The following CALD1 variants were observed in gnomAD, a reference collection of about 807,000 sequenced individuals.
CALD1 encodes the protein caldesmon.
A neutral mutation model predicts 99.9 loss-of-function variants in CALD1; 33 were observed. The ratio of observed to expected loss-of-function variants is 0.33; its 90% confidence interval spans 0.25 to 0.44. The LOEUF is 0.44. Ranked by LOEUF, CALD1 falls within the 20% of genes least tolerant of loss-of-function variation. The probability of loss-of-function intolerance (pLI) is 1.00; values close to 1 mark genes in which losing one functional copy is unlikely to be tolerated. For missense variants in CALD1, 861 were observed against 962.1 expected, an observed-to-expected ratio of 0.89 and a Z score of 1.39; for synonymous variants, 310 against 325.0, an observed-to-expected ratio of 0.95 and a Z score of 0.50.
At chr7:134,920,473 G>C (rs750396571) in intron 3 of CALD1, 134 of 1,086,546 alleles carry the variant, frequency 1.2e-4, no homozygotes, top group Non-Finnish European at 1.4e-4. Flanking sequence ...TGACTAAGAA[G>C]TCATCCTTTT....
At position 134,940,215 on chromosome 7, in the gene CALD1, G is replaced by C. The variant is rs570621109; in HGVS notation, c.1387-877G>C. Among the ~76,000 whole-genome samples the C allele has an allele frequency of 5.9e-5, 9 of 152,304 alleles. No individual in the cohort carries two copies. The South Asian group carries it at 1.9e-3, about 32-fold the overall frequency. On this transcript the variant is annotated intron_variant, in intron 6 of 14. Coordinates refer to ENST00000361675, the MANE Select transcript of CALD1 (RefSeq NM_033138.4). ...TTTAAGAATGGATGAGATGATATAA[G>C]TGAAGTGATTTGAATTCCTTTACCC...
At chr7:134,872,671 G>A (rs997270842) in intron 3 of CALD1, among the ~76,000 whole-genome samples, 1 of 152,040 alleles carries the variant, frequency 6.6e-6, no homozygotes, top group African/African-American at 2.4e-5. Flanking sequence ...TAGAGCAATC[G>A]TGACCAAAAG....
chr7:134,744,469 G>T (rs1796617653), intron 1 of CALD1: 1 of 151,716 alleles, frequency 6.6e-6, no homozygotes, highest in South Asian at 2.1e-4. Context: ...GTGTGTGTGT[G>T]TGTGTGTGTG....
Position 134,868,255 on chromosome 7 carries a change from A to C in CALD1, c.71+451A>C, listed in dbSNP as rs573215005. 4 of 157,648 alleles carry C rather than the reference A, an allele frequency of 2.5e-5. No individual in the cohort carries two copies. The East Asian group carries it at 5.7e-4, about 22-fold the overall frequency. The allele number at this position is 157,648 out of a possible 1,614,324, so 9.8% of individuals were successfully genotyped here. On this transcript the variant is annotated intron_variant, in intron 3 of 14. Coordinates refer to ENST00000361675, the MANE Select transcript of CALD1 (RefSeq NM_033138.4). ...CTTGTGAAAAATTTTCATTCTTATTAGAAAAGTATCCAACTCTAGGGATCT... is the reference window on the plus strand; with the variant it reads ...CTTGTGAAAAATTTTCATTCTTATTCGAAAAGTATCCAACTCTAGGGATCT...
upstream of CALD1, among the ~76,000 whole-genome samples, chr7:134,742,016 TACACACAC>T (rs112633191): frequency 5.4e-5 from 8 of 147,988 alleles, no homozygotes; most frequent in Admixed American, 2.7e-4. Flanking sequence ...GAGGTATTGA[TACACACAC>T]ACACACACAC....
intron 7 of CALD1, among the ~76,000 whole-genome samples, chr7:134,942,173 G>A (rs185093921): frequency 2.6e-5 from 4 of 152,220 alleles, no homozygotes; most frequent in Admixed American, 2.0e-4. Flanking sequence ...GGATTTCCCC[G>A]GGCTTGTTCC....
chr7:134,714,721 C>T, the CALD1 span, among the ~76,000 whole-genome samples: 1 of 152,150 alleles, frequency 6.6e-6, no homozygotes, highest in Admixed American at 6.5e-5. Flanking sequence ...TAATTAAATG[C>T]AAATTAAGGG....
upstream of CALD1, among the ~76,000 whole-genome samples, chr7:134,741,746 T>G (rs1282109844): frequency 6.6e-6 from 1 of 152,196 alleles, no homozygotes; most frequent in South Asian, 2.1e-4. Context: ...TCAAAAGCCA[T>G]TTTTAAAAAC....
At chr7:134,943,141 T>C (rs1034841894) in intron 7 of CALD1, among the ~76,000 whole-genome samples, 2 of 152,178 alleles carry the variant, frequency 1.3e-5, no homozygotes, top group Non-Finnish European at 2.9e-5. Context: ...TCCATATACA[T>C]ATAAAATGAG....
chr7:134,803,107 T>C (rs1798008193), intron 1 of CALD1, among the ~76,000 whole-genome samples: 1 of 152,188 alleles, frequency 6.6e-6, no homozygotes, highest in Non-Finnish European at 1.5e-5. Context: ...TGGTATCTCA[T>C]TGTGGTCTTA....
At chr7:134,934,710 C>T (rs939421735) in intron 5 of CALD1, among the ~76,000 whole-genome samples, 1 of 151,998 alleles carries the variant, frequency 6.6e-6, no homozygotes. Flanking sequence ...GGTGAAACCC[C>T]ATCTCTACTA....
chr7:134,934,205 T>G, intron 5 of CALD1, 128 bp downstream of exon 5: 1 of 1,402,424 alleles, frequency 7.1e-7, no homozygotes, highest in Non-Finnish European at 9.7e-7. Context: ...AGCTGTTCAT[T>G]TTTTCAGGCC....
rs1375999548 is a variant in CALD1 at position 134,928,815 on chromosome 7, G to A, written c.133G>A (p.Ala45Thr). The change falls in exon 4 of 15, where the codon GCC becomes ACC. Residue 45 changes from alanine to threonine, a missense_variant. By Grantham distance (58) the Ala-to-Thr change is moderately conservative. Around this residue, in one of 5 missense-constraint regions of CALD1, gnomAD observed 123 missense variants for 169.8 expected, o/e 0.72. Coordinates refer to ENST00000361675, the MANE Select transcript of CALD1 (RefSeq NM_033138.4). Reference protein sequence around the residue: ...EEAARERRRRARQERLRQKQE... With the variant: ...EEAARERRRRTRQERLRQKQE... ...GGCAGCCCGGGAACGGCGCCGCCGAGCCCGACAGGAACGGCTGCGGCAGAA... is the reference window on the plus strand; with the variant it reads ...GGCAGCCCGGGAACGGCGCCGCCGAACCCGACAGGAACGGCTGCGGCAGAA... 1 of 1,613,862 alleles carries A rather than the reference G, an allele frequency of 6.2e-7. No homozygotes were observed. The highest frequency in any genetic ancestry group is 1.3e-5 in the African/African-American group (1 of 74,922).
intron 1 of CALD1, among the ~76,000 whole-genome samples, chr7:134,815,371 C>T (rs1248350776): frequency 6.6e-6 from 1 of 152,194 alleles, no homozygotes; most frequent in Non-Finnish European, 1.5e-5. Flanking sequence ...TGTAGAATTT[C>T]TGCCTCTTTT....
At chr7:134,793,955 T>C (rs1329916198) in intron 1 of CALD1, among the ~76,000 whole-genome samples, 1 of 152,218 alleles carries the variant, frequency 6.6e-6, no homozygotes, top group Non-Finnish European at 1.5e-5. Flanking sequence ...GCTCTCTATC[T>C]TGTCTCACCA....
At chr7:134,910,471 G>C (rs1803721336) in intron 3 of CALD1, among the ~76,000 whole-genome samples, 1 of 152,136 alleles carries the variant, frequency 6.6e-6, no homozygotes, top group Non-Finnish European at 1.5e-5. Context: ...ACTAACACTA[G>C]GCTTGATAGT....
intron 1 of CALD1, among the ~76,000 whole-genome samples, chr7:134,826,334 C>T (rs1188667892): frequency 6.6e-6 from 1 of 152,136 alleles, no homozygotes; most frequent in Non-Finnish European, 1.5e-5. Flanking sequence ...TGATGTTGCT[C>T]CTTCGTCATG....
intron 1 of CALD1, chr7:134,745,668 C>G (rs1796629425): frequency 6.6e-6 from 1 of 152,204 alleles, no homozygotes; most frequent in Non-Finnish European, 1.5e-5. Context: ...TGGACCTATC[C>G]TCTCTGATAA....
At chr7:134,944,417 G>A (rs1350371932) in intron 7 of CALD1, 2 of 145,976 alleles carry the variant, frequency 1.4e-5, no homozygotes, top group African/African-American at 2.5e-5. Context: ...TTTTTTAAAT[G>A]TTGATTACAA....
Sources: allele counts gnomAD v4.1 joint callset (sites outside exome capture counted in the v4.1 genomes callset), GRCh38; gene constraint gnomAD v4.1.1; regional missense constraint gnomAD v4.1.1; transcripts MANE v1.5; gene names NCBI Gene and HGNC (gene_info 2026-07-23, HGNC 2026-07-21).